The following TRIB2 variants were observed in gnomAD, a reference collection of about 807,000 sequenced individuals.
TRIB2 encodes the protein tribbles pseudokinase 2, also known as tribbles homolog 2.
In TRIB2, 2 loss-of-function variants were observed where a neutral mutation model predicts 26.8. That is an observed-to-expected ratio of 0.07 (90% confidence interval 0.03 to 0.24). The LOEUF is 0.24. Ranked by LOEUF, TRIB2 falls within the 10% of genes least tolerant of loss-of-function variation. The probability of loss-of-function intolerance (pLI) is 1.00; values close to 1 mark genes in which losing one functional copy is unlikely to be tolerated. For missense variants in TRIB2, 306 were observed against 449.0 expected (o/e 0.68, Z 2.88); for synonymous variants, 189 against 187.3 (o/e 1.01, Z -0.08).
intron 2 of TRIB2, among the ~76,000 whole-genome samples, chr2:12,734,418 G>A (rs1035798869): frequency 1.6e-4 from 25 of 152,240 alleles, no homozygotes; most frequent in East Asian, 1.2e-3. Context: ...ATTCCAGCCC[G>A]CGGGAGGAAC....
intron 2 of TRIB2, among the ~76,000 whole-genome samples, chr2:12,727,145 T>C (rs1387624164): frequency 6.6e-6 from 1 of 152,244 alleles, no homozygotes; most frequent in Non-Finnish European, 1.5e-5. Flanking sequence ...TCTTCTTAGC[T>C]ACCTGATCTT....
chr2:12,727,018 A>G (rs1004411089), intron 2 of TRIB2, among the ~76,000 whole-genome samples: 1 of 152,220 alleles, frequency 6.6e-6, no homozygotes, highest in South Asian at 2.1e-4. Context: ...GATGACACCC[A>G]GCGTTATGTT....
In TRIB2 at chr2:12,717,708, A is replaced by ACC. The variant is rs369989056; in HGVS notation, c.-593_-592dup. ...AACGTAGGTAACTGCCCTCTCCCGCACCCCCCCCTTACACGCCCCCCACCC... is the reference window on the plus strand; with the variant it reads ...AACGTAGGTAACTGCCCTCTCCCGCACCCCCCCCCCTTACACGCCCCCCACCC... On this transcript the variant is annotated 5_prime_UTR_variant, in exon 1 of 3. Transcript: ENST00000155926. This position sits in a 1 kb window ranked among gnomAD's most constrained non-coding sequence, Gnocchi z 4.8. 2 of 370,740 alleles carry ACC rather than the reference A, an allele frequency of 5.4e-6. No individual in the cohort carries two copies. The highest frequency in any genetic ancestry group is 4.4e-5 in the African/African-American group (2 of 45,294). 23.0% of individuals were successfully genotyped at this position (370,740 alleles called of 1,614,324 possible). A position where few individuals can be genotyped will look rare whatever the true frequency, so the allele number is the denominator to read the frequency against.
At chr2:12,720,412 C>A (rs1661179647) in intron 1 of TRIB2, among the ~76,000 whole-genome samples, 1 of 152,230 alleles carries the variant, frequency 6.6e-6, no homozygotes, top group Non-Finnish European at 1.5e-5. Context: ...CTTTAAGACA[C>A]AGCAGCTTCT....
chr2:12,717,608 C>CT lies in TRIB2; in HGVS notation c.-692dup, dbSNP rs758449478. ...AGTTAAATGCTCCCTTGCAATTTTT[C>CT]TTTTTTTTGTTTGTTTGTTTAATTT... On this transcript the variant is annotated 5_prime_UTR_variant, in exon 1 of 3. It removes the in-frame stop codon of an upstream open reading frame in the 5' UTR. Coordinates refer to ENST00000155926, the MANE Select transcript of TRIB2 (RefSeq NM_021643.4). This position sits in a 1 kb window ranked among gnomAD's most constrained non-coding sequence, Gnocchi z 4.8. 1.1e-4 allele frequency: 45 copies of CT among 396,778 alleles called. No homozygotes were observed. The highest frequency in any genetic ancestry group is 1.6e-4 in the Non-Finnish European group (37 of 225,346). 24.6% of individuals were successfully genotyped at this position (396,778 alleles called of 1,614,324 possible). A position where few individuals can be genotyped will look rare whatever the true frequency, so the allele number is the denominator to read the frequency against.
At chr2:12,735,673 C>T (rs533929887) in intron 2 of TRIB2, among the ~76,000 whole-genome samples, 6 of 152,186 alleles carry the variant, frequency 3.9e-5, no homozygotes, top group African/African-American at 9.6e-5. Flanking sequence ...TGACATCTGC[C>T]GTTTGGTACT....
Position 12,740,656 on chromosome 2 carries a change from C to T in TRIB2, c.894C>T (p.Thr298=). 1 of 1,614,196 alleles carries T rather than the reference C, an allele frequency of 6.2e-7. No individual in the cohort carries two copies. Among genetic ancestry groups the T allele is most frequent in the Non-Finnish European group, 8.5e-7 (1 of 1,180,042 alleles). The change falls in exon 3 of 3, where the codon ACC becomes ACT. Residue 298 remains threonine (T), a synonymous_variant. Coordinates refer to ENST00000155926, the MANE Select transcript of TRIB2 (RefSeq NM_021643.4). The surrounding 1 kb of genome is among the most constrained non-coding windows in gnomAD (Gnocchi z 5.8). ...GTCGGGAGCCCTCAGAGCGGCTGAC[C>T]TCGCAGGAAATTCTGGACCATCCTT... ...ILRREPSERL[T]SQEILDHPWF... is the part of the protein sequence containing the mutation.
chr2:12,731,865 C>T (rs1324919612), intron 2 of TRIB2, among the ~76,000 whole-genome samples: 8 of 152,208 alleles, frequency 5.3e-5, no homozygotes, highest in Non-Finnish European at 8.8e-5. Flanking sequence ...CCTAAGCCAC[C>T]GGGCAGGGCA....
Position 12,717,121 on chromosome 2 carries a change from C to G in TRIB2, c.-1187C>G, listed in dbSNP as rs1206612334. 5.6e-6 allele frequency: 2 copies of G among 359,630 alleles called. No homozygotes were observed. Among genetic ancestry groups the G allele is most frequent in the East Asian group, 8.2e-5 (2 of 24,400 alleles). 22.3% of individuals were successfully genotyped at this position (359,630 alleles called of 1,614,324 possible). A position where few individuals can be genotyped will look rare whatever the true frequency, so the allele number is the denominator to read the frequency against. ...TTAATTTTTAAATACACGGTCCCCT[C>G]TTTTCTCTGGGGGGGGCAAGCAAGA... On this transcript the variant is annotated 5_prime_UTR_variant, in exon 1 of 3. Transcript: ENST00000155926. This position sits in a 1 kb window ranked among gnomAD's most constrained non-coding sequence, Gnocchi z 4.8.
intron 2 of TRIB2, among the ~76,000 whole-genome samples, chr2:12,726,543 A>C (rs1486084271): frequency 6.6e-6 from 1 of 152,188 alleles, no homozygotes; most frequent in African/African-American, 2.4e-5. Context: ...CTTTTAGTGG[A>C]GCTAAAGCTT....
chr2:12,719,040 C>T (rs978840790), intron 1 of TRIB2, among the ~76,000 whole-genome samples: 1 of 152,168 alleles, frequency 6.6e-6, no homozygotes, highest in Non-Finnish European at 1.5e-5. Flanking sequence ...CCGAAGGTGC[C>T]CTTTAAAACA....
intron 2 of TRIB2, among the ~76,000 whole-genome samples, chr2:12,729,995 T>TAACCCAA (rs2103254631): frequency 6.6e-6 from 1 of 152,320 alleles, no homozygotes; most frequent in Admixed American, 6.5e-5. Flanking sequence ...TTGAGCCTCA[T>TAACCCAA]AACCCAACAG....
chr2:12,738,028 G>A (rs1048035772), intron 2 of TRIB2, among the ~76,000 whole-genome samples: 1 of 152,166 alleles, frequency 6.6e-6, no homozygotes, highest in East Asian at 1.9e-4. Flanking sequence ...TTGTTTGTTC[G>A]TTGGTGGAAA....
chr2:12,720,366 G>GT (rs1185377495), intron 1 of TRIB2, among the ~76,000 whole-genome samples: 4 of 152,208 alleles, frequency 2.6e-5, no homozygotes, highest in African/African-American at 9.6e-5. Context: ...GTGGATTTAA[G>GT]TGCAGTATCA....
rs1026531460 is a variant in TRIB2, at chr2:12,732,304, A to G, written c.564-8022A>G. 6.6e-6 allele frequency among the ~76,000 whole-genome samples: 1 copy of G among 152,078 alleles called. No homozygotes were observed. Among genetic ancestry groups the G allele is most frequent in the African/African-American group, 2.4e-5 (1 of 41,404 alleles). On this transcript the variant is annotated intron_variant, in intron 2 of 2. Transcript: ENST00000155926. This position sits in a 1 kb window ranked among gnomAD's most constrained non-coding sequence, Gnocchi z 4.2. ...GAAAACCCCTGAGTATTTGAGTCAG[A>G]TTGGGTTTCCCATCCCAACTGTGCT...
chr2:12,718,658 A>G lies in TRIB2; in HGVS notation c.270+81A>G. 1 of 1,525,760 alleles carries G rather than the reference A, an allele frequency of 6.6e-7. No individual in the cohort carries two copies. Among genetic ancestry groups the G allele is most frequent in the Non-Finnish European group, 8.9e-7 (1 of 1,129,176 alleles). The allele number at this position is 1,525,760 out of a possible 1,614,324, so 94.5% of individuals were successfully genotyped here. On this transcript the variant is annotated intron_variant, in intron 1 of 2. Transcript: ENST00000155926. The surrounding 1 kb of genome is among the most constrained non-coding windows in gnomAD (Gnocchi z 4.0). ...GGCGCCAGGCCCTCGAGTCTGGGAG[A>G]GGGAGATTCGCGGGATAATTACCGT...
intron 2 of TRIB2, among the ~76,000 whole-genome samples, chr2:12,735,946 G>A (rs552403515): frequency 6.6e-6 from 1 of 152,156 alleles, no homozygotes; most frequent in Non-Finnish European, 1.5e-5. Context: ...AATTCACGAA[G>A]TATCGGGCCT....
At chr2:12,729,444 A>T (rs1176512041) in intron 2 of TRIB2, among the ~76,000 whole-genome samples, 1 of 152,138 alleles carries the variant, frequency 6.6e-6, no homozygotes, top group Non-Finnish European at 1.5e-5. Context: ...CATTGCCTGG[A>T]ATCAGTGGGA....
At chr2:12,736,464 T>TC (rs58608717) in intron 2 of TRIB2, among the ~76,000 whole-genome samples, 51,346 of 152,034 alleles carry the variant, frequency 0.34, 10,353 homozygotes, top group East Asian at 0.74. Flanking sequence ...ATGCCTGATA[T>TC]CCCCACCCCC....
Sources: gnomAD v4.1 joint callset for allele counts (sites outside exome capture counted in the v4.1 genomes callset) on GRCh38, gnomAD v4.1.1 for gene constraint, Gnocchi (gnomAD v3.1) non-coding constraint, MANE v1.5 for transcripts, NCBI Gene and HGNC (gene_info 2026-07-23, HGNC 2026-07-21) for gene names.